Variants in PLEKHA5 observed in about 807,000 individuals in gnomAD.
PLEKHA5 encodes the protein pleckstrin homology domain-containing family A member 5.
A neutral mutation model predicts 181.9 loss-of-function variants in PLEKHA5; 55 were observed. The observed-to-expected ratio is 0.30, with a 90% CI of 0.24 to 0.38. The LOEUF is 0.38. Ranked by LOEUF, PLEKHA5 falls within the 10% of genes least tolerant of loss-of-function variation. The pLI is 1.00. For missense variants in PLEKHA5, 1,432 were observed against 1,549.5 expected, an observed-to-expected ratio of 0.92 and a Z score of 1.27; for synonymous variants, 535 against 529.4, an observed-to-expected ratio of 1.01 and a Z score of -0.15.
At chr12:19,264,386 GT>G (rs761566913) in intron 7 of PLEKHA5, among the ~76,000 whole-genome samples, 1 of 151,252 alleles carries the variant, frequency 6.6e-6, no homozygotes, top group Non-Finnish European at 1.5e-5. Flanking sequence ...ATAGAAGGAT[GT>G]ATTATTTGAT....
At chr12:19,146,134 G>A (rs2038857148) in intron 3 of PLEKHA5, among the ~76,000 whole-genome samples, 3 of 152,228 alleles carry the variant, frequency 2.0e-5, no homozygotes, top group Admixed American at 2.0e-4. Flanking sequence ...TTCCTATTTG[G>A]TTTACTGTTA....
Position 19,283,673 on chromosome 12 carries a change from A to G in PLEKHA5, c.1707A>G (p.Arg569=), listed in dbSNP as rs2076637407. The G allele has an allele frequency of 3.7e-6, 6 of 1,614,166 alleles. No individual in the cohort carries two copies. The highest frequency in any genetic ancestry group is 5.1e-6 in the Non-Finnish European group (6 of 1,180,006). ...YQGYSPQRTY[R]SEVSSPIQRG... is the part of the protein sequence containing the mutation. ...GATACTCCCCTCAACGAACTTACAG[A>G]TCGGAAGTGTCTTCACCAATTCAGA... Residue 569 remains arginine (R), a synonymous_variant, in exon 12 of 32, where the codon AGA becomes AGG. Transcript: ENST00000429027.
chr12:19,190,447 A>G (rs2050840535), intron 3 of PLEKHA5, among the ~76,000 whole-genome samples: 1 of 152,234 alleles, frequency 6.6e-6, no homozygotes, highest in African/African-American at 2.4e-5. Flanking sequence ...GAGATAACTG[A>G]TTGCATTCAA....
intron 15 of PLEKHA5, among the ~76,000 whole-genome samples, chr12:19,296,269 A>G (rs2079765202): frequency 6.9e-6 from 1 of 144,946 alleles, no homozygotes; most frequent in African/African-American, 2.6e-5. Flanking sequence ...CAGTGTGGCC[A>G]GGCACTGTGG....
rs61912290 is a variant in PLEKHA5 at position 19,262,917 on chromosome 12, T to G, written c.610+1896T>G. Among the ~76,000 whole-genome samples, 1,158 of 152,322 alleles carry G rather than the reference T, an allele frequency of 7.6e-3. 10 individuals carry two copies. The highest frequency in any genetic ancestry group is 0.014 in the Non-Finnish European group (936 of 68,026). ...AACAAAAAACAAGCCATGCTGAGTC[T>G]GAGATTCCTTATTATTAACCACCTG... On this transcript the variant is annotated intron_variant, in intron 7 of 31. Coordinates refer to ENST00000429027, the MANE Select transcript of PLEKHA5 (RefSeq NM_001256470.2).
At chr12:19,276,592 G>C (rs1424822609) in intron 11 of PLEKHA5, among the ~76,000 whole-genome samples, 1 of 152,208 alleles carries the variant, frequency 6.6e-6, no homozygotes, top group Non-Finnish European at 1.5e-5. Flanking sequence ...TGGGGAGGCT[G>C]AGGCAGGAGA....
intron 3 of PLEKHA5, among the ~76,000 whole-genome samples, chr12:19,181,695 G>T (rs529829693): frequency 1.3e-5 from 2 of 152,174 alleles, no homozygotes; most frequent in Non-Finnish European, 2.9e-5. Flanking sequence ...AGAAGTGCTT[G>T]AACCTGGGAG....
intron 15 of PLEKHA5, chr12:19,306,709 G>C (rs1358365554): frequency 6.8e-7 from 1 of 1,467,376 alleles, no homozygotes; most frequent in Admixed American, 1.7e-5. Context: ...CGGTTTCCTA[G>C]GCAAGATCGA....
At chr12:19,309,617 G>A (rs775996781) in intron 15 of PLEKHA5, among the ~76,000 whole-genome samples, 31 of 152,018 alleles carry the variant, frequency 2.0e-4, no homozygotes, top group Non-Finnish European at 2.6e-4. Flanking sequence ...TTACTGGTAG[G>A]CGCCTGTAAT....
intron 15 of PLEKHA5, among the ~76,000 whole-genome samples, chr12:19,310,756 A>G (rs2086191482): frequency 6.6e-6 from 1 of 152,212 alleles, no homozygotes; most frequent in African/African-American, 2.4e-5. Context: ...CATCTCCACA[A>G]AAATTAGCTG....
rs1005267955 is a variant in PLEKHA5 at position 19,375,515 on chromosome 12, C to T, written c.*12-16C>T. 6.6e-6 allele frequency: 1 copy of T among 152,486 alleles called. No individual in the cohort carries two copies. Among genetic ancestry groups the T allele is most frequent in the Non-Finnish European group, 1.5e-5 (1 of 68,026 alleles). 9.4% of individuals were successfully genotyped at this position (152,486 alleles called of 1,614,324 possible). On this transcript the variant is annotated splice_polypyrimidine_tract_variant and intron_variant, in intron 31 of 31. Coordinates refer to ENST00000429027, the MANE Select transcript of PLEKHA5 (RefSeq NM_001256470.2). ...GTTGCAGGTGTCAAAGTAATTTCCTCTCTCTTATTTTTCAGCTATACTGAC... is the reference window on the plus strand; with the variant it reads ...GTTGCAGGTGTCAAAGTAATTTCCTTTCTCTTATTTTTCAGCTATACTGAC...
intron 3 of PLEKHA5, among the ~76,000 whole-genome samples, chr12:19,204,587 T>C (rs977691040): frequency 3.0e-4 from 45 of 152,180 alleles, no homozygotes; most frequent in African/African-American, 1.1e-3. Flanking sequence ...TTTGCTGATT[T>C]TTGTGCCATT....
intron 15 of PLEKHA5, among the ~76,000 whole-genome samples, chr12:19,313,599 GT>G (rs909508096): frequency 2.5e-3 from 374 of 149,060 alleles, no homozygotes; most frequent in African/African-American, 8.5e-3. Context: ...CTTCAGTGAA[GT>G]TTTTTTTTTA....
chr12:19,135,684 T>G (rs2151027647), intron 3 of PLEKHA5, among the ~76,000 whole-genome samples: 1 of 152,286 alleles, frequency 6.6e-6, no homozygotes, highest in South Asian at 2.1e-4. Context: ...AAACAGATAG[T>G]ACTGCTAATG....
At chr12:19,136,064 T>C (rs906454455) in intron 3 of PLEKHA5, among the ~76,000 whole-genome samples, 2 of 151,860 alleles carry the variant, frequency 1.3e-5, no homozygotes, top group African/African-American at 4.8e-5. Context: ...GATTGATTGA[T>C]TGAGAGAGAC....
chr12:19,164,972 T>C (rs143497668), intron 3 of PLEKHA5, among the ~76,000 whole-genome samples: 38 of 152,184 alleles, frequency 2.5e-4, no homozygotes, highest in African/African-American at 8.7e-4. Flanking sequence ...TTCCCTCTAT[T>C]TTTTCTCCTC....
rs2094752976 is a variant in PLEKHA5 at position 19,353,896 on chromosome 12, C to G, written c.3032C>G (p.Pro1011Arg). The G allele has an allele frequency of 6.4e-7, 1 of 1,565,834 alleles. No homozygotes were observed. The highest frequency in any genetic ancestry group is 2.2e-5 in the East Asian group (1 of 44,568). ...ETSVVKGSHF[P>R]VGVVPPRAKS... ...TTTTAATTTTTAGGTTCCCACTTTC[C>G]TGTTGGAGTAGTCCCTCCAAGAGCA... The change falls in exon 26 of 32, where the codon CCT (proline) becomes CGT (arginine). Residue 1011 changes from proline (P) to arginine (R), a missense_variant. By Grantham distance (103) the Pro-to-Arg change is moderately radical. Transcript: ENST00000429027.
At chr12:19,328,254 G>A (rs1468500951) in intron 20 of PLEKHA5, among the ~76,000 whole-genome samples, 1 of 152,112 alleles carries the variant, frequency 6.6e-6, no homozygotes, top group Non-Finnish European at 1.5e-5. Context: ...TTTGAAGTCA[G>A]GTAGTGTAAT....
intron 3 of PLEKHA5, among the ~76,000 whole-genome samples, chr12:19,162,261 A>C (rs1392667081): frequency 6.6e-6 from 1 of 152,150 alleles, no homozygotes; most frequent in Admixed American, 6.6e-5. Context: ...TAGAGATAAC[A>C]CTGAAATAAT....
Sources: gnomAD v4.1 joint callset for allele counts (sites outside exome capture counted in the v4.1 genomes callset) on GRCh38, gnomAD v4.1.1 for gene constraint, MANE v1.5 for transcripts, NCBI Gene and HGNC (gene_info 2026-07-23, HGNC 2026-07-21) for gene names.